IQGAP1: variants seen among roughly 807,000 people sequenced by gnomAD.
IQGAP1 encodes IQ motif containing GTPase activating protein 1, also known as ras GTPase-activating-like protein IQGAP1.
A neutral mutation model predicts 215.6 loss-of-function variants in IQGAP1; 66 were observed. That is an observed-to-expected ratio of 0.31 (90% CI 0.25 to 0.38). The LOEUF is 0.38. Among genes scored for constraint, IQGAP1 ranks in the 10% least tolerant of loss-of-function variants. The probability of loss-of-function intolerance (pLI) is 1.00; values close to 1 mark genes in which losing one functional copy is unlikely to be tolerated. For missense variants in IQGAP1, 1,712 were observed against 1,997.1 expected (o/e 0.86, Z 2.72); for synonymous variants, 772 against 728.7 (o/e 1.06, Z -0.96).
At chr15:90,394,076 G>T (rs1048081480) in intron 2 of IQGAP1, among the ~76,000 whole-genome samples, 1 of 147,468 alleles carries the variant, frequency 6.8e-6, no homozygotes, top group African/African-American at 2.5e-5. Flanking sequence ...CAGAGCTTGC[G>T]GTAAGCTGAG....
At chr15:90,474,176 G>A in intron 22 of IQGAP1, 43 bp downstream of exon 22, 2 of 1,527,128 alleles carry the variant, frequency 1.3e-6, no homozygotes, top group Non-Finnish European at 1.8e-6. Context: ...CAGTGGCTGG[G>A]AGCCACCAAG....
intron 36 of IQGAP1, 22 bp from the exon 37 acceptor site, chr15:90,497,210 T>A: frequency 8.1e-7 from 1 of 1,232,562 alleles, no homozygotes; most frequent in Non-Finnish European, 1.2e-6. Flanking sequence ...AACCATACCC[T>A]TACGATGTTA....
chr15:90,422,242 A>G (rs921612516), intron 2 of IQGAP1, among the ~76,000 whole-genome samples: 6 of 152,168 alleles, frequency 3.9e-5, no homozygotes, highest in African/African-American at 1.2e-4. Flanking sequence ...GCCACTAGCT[A>G]TTGGATGACC....
intron 19 of IQGAP1, 65 bp from the exon 20 acceptor site, chr15:90,473,650 T>G (rs984160313): frequency 1.3e-5 from 15 of 1,149,074 alleles, no homozygotes; most frequent in South Asian, 5.5e-5. Flanking sequence ...AAGATGAAAG[T>G]TTTTTTTTAA....
intron 30 of IQGAP1, among the ~76,000 whole-genome samples, chr15:90,484,853 A>G (rs187820472): frequency 9.5e-4 from 144 of 152,272 alleles, no homozygotes; most frequent in African/African-American, 3.3e-3. Flanking sequence ...AGTTTCTAAA[A>G]GGTCTTCCCA....
rs1445316565 is a variant in IQGAP1 at position 90,388,419 on chromosome 15, CG to C, written c.55+28del. The C allele has an allele frequency of 5.2e-6, 7 of 1,345,516 alleles. No individual in the cohort carries two copies. The Admixed American group carries it at 6.5e-5, about 12-fold the overall frequency. 83.3% of individuals were successfully genotyped at this position (1,345,516 alleles called of 1,614,324 possible). A position where few individuals can be genotyped will look rare whatever the true frequency, so the allele number is the denominator to read the frequency against. ...GCTGTGAGTGCGGGGCTCCGCGGCG[CG>C]GGGGCTTCGGGCTGGGCTAATTGCA... On this transcript the variant is annotated intron_variant, in intron 1 of 37. Transcript: ENST00000268182.
At chr15:90,493,369 C>G (rs563199771) in intron 35 of IQGAP1, among the ~76,000 whole-genome samples, 1 of 152,120 alleles carries the variant, frequency 6.6e-6, no homozygotes, top group Non-Finnish European at 1.5e-5. Flanking sequence ...TTCCTGGGGA[C>G]AAGATCACAG....
intron 4 of IQGAP1, among the ~76,000 whole-genome samples, chr15:90,431,580 C>CAGT (rs1965304056): frequency 6.6e-6 from 1 of 152,076 alleles, no homozygotes; most frequent in African/African-American, 2.4e-5. Flanking sequence ...GGTTTACTAA[C>CAGT]AGTAGTATAT....
Position 90,452,887 on chromosome 15 carries a change from C to T in IQGAP1, c.1275C>T (p.Ala425=), listed in dbSNP as rs1225978871. The T allele has an allele frequency of 2.5e-6, 4 of 1,614,080 alleles. No individual in the cohort carries two copies. Among genetic ancestry groups the T allele is most frequent in the Admixed American group, 1.7e-5 (1 of 60,014 alleles). The change falls in exon 12 of 38, where the codon GCC becomes GCT. Residue 425 remains alanine (A), a synonymous_variant. Coordinates refer to ENST00000268182, the MANE Select transcript of IQGAP1 (RefSeq NM_003870.4). ...AGCTGCCCCAGGTGTATCCATTTGC[C>T]GCCGATCTCTATCAGAAGGAGCTGG... is the stretch of plus-strand genomic sequence containing the variant. The part of the protein sequence containing the change: ...EAQLPQVYPF[A]ADLYQKELAT...
intron 17 of IQGAP1, 142 bp downstream of exon 17, chr15:90,466,578 A>C: frequency 1.2e-6 from 1 of 810,798 alleles, no homozygotes; most frequent in Non-Finnish European, 1.9e-6. Context: ...AAAGGAGATA[A>C]AATCCCTATT....
chr15:90,482,192 C>G lies in IQGAP1; in HGVS notation c.3471-5C>G. The G allele has an allele frequency of 1.2e-6, 2 of 1,614,174 alleles. No individual in the cohort carries two copies. The highest frequency in any genetic ancestry group is 1.7e-6 in the Non-Finnish European group (2 of 1,180,032). ...CCTTCTCACTAAGTTTTGTCCATCC[C>G]GCAGTTATGGGATGCGCTTCATTGC... On this transcript the variant is annotated splice_polypyrimidine_tract_variant and splice_region_variant and intron_variant, in intron 27 of 37. Transcript: ENST00000268182.
intron 34 of IQGAP1, among the ~76,000 whole-genome samples, chr15:90,491,889 A>AGC (rs964152025): frequency 2.4e-4 from 36 of 152,234 alleles, no homozygotes; most frequent in African/African-American, 8.4e-4. Context: ...AATCATCTCA[A>AGC]GCGAGGGGCT....
At chr15:90,498,158 C>T (rs941241376) in intron 37 of IQGAP1, among the ~76,000 whole-genome samples, 5 of 151,998 alleles carry the variant, frequency 3.3e-5, no homozygotes, top group African/African-American at 9.7e-5. Flanking sequence ...TTCTGTAGCC[C>T]TTGCAGACAT....
intron 36 of IQGAP1, among the ~76,000 whole-genome samples, chr15:90,495,782 C>T (rs1255533551): frequency 6.7e-6 from 1 of 150,300 alleles, no homozygotes; most frequent in Non-Finnish European, 1.5e-5. Flanking sequence ...GGACTACAGG[C>T]ATGCACCACC....
intron 3 of IQGAP1, among the ~76,000 whole-genome samples, chr15:90,429,130 G>A (rs1398096256): frequency 2.0e-5 from 3 of 152,190 alleles, no homozygotes; most frequent in Non-Finnish European, 4.4e-5. Flanking sequence ...TGGGATTACA[G>A]GAATGAGCCA....
At chr15:90,448,825 G>GT in intron 10 of IQGAP1, 89 bp downstream of exon 10, 2 of 1,169,078 alleles carry the variant, frequency 1.7e-6, no homozygotes, top group Non-Finnish European at 2.2e-6. Context: ...TGCTGCCTTT[G>GT]TTTTTCCCCC....
In IQGAP1 at chr15:90,390,800, G is replaced by T. The variant is rs984534849; in HGVS notation, c.82G>T (p.Ala28Ser). 1 of 1,612,300 alleles carries T rather than the reference G, an allele frequency of 6.2e-7. No homozygotes were observed. Among genetic ancestry groups the T allele is most frequent in the East Asian group, 2.2e-5 (1 of 44,876 alleles). The change falls in exon 2 of 38, where the codon GCA becomes TCA. Residue 28 changes from alanine (A) to serine (S), a missense_variant. Physicochemically the swap from Ala to Ser is moderately conservative, Grantham distance 99. Around this residue, in one of 2 missense-constraint regions of IQGAP1, gnomAD observed 1,021 missense variants for 1,074.2 expected, o/e 0.95. Coordinates refer to ENST00000268182, the MANE Select transcript of IQGAP1 (RefSeq NM_003870.4). Reference protein sequence around the residue: ...GSVLDNERLTAEEMDERRRQN... With the variant: ...GSVLDNERLTSEEMDERRRQN... The stretch of plus-strand genomic sequence containing the variant: ...TGTCCTGGATAATGAAAGACTTACT[G>T]CAGAGGAGATGGATGAAAGGAGACG...
chr15:90,482,728 C>T (rs1012695251), intron 28 of IQGAP1: 32 of 996,222 alleles, frequency 3.2e-5, no homozygotes, highest in Non-Finnish European at 3.7e-5. Context: ...AGTGAGGCCT[C>T]GATTCTAGAC....
At chr15:90,398,088 G>T (rs1168698071) in intron 2 of IQGAP1, among the ~76,000 whole-genome samples, 1 of 151,710 alleles carries the variant, frequency 6.6e-6, no homozygotes, top group Non-Finnish European at 1.5e-5. Context: ...GTTTCACCAT[G>T]TTGGCCAGGC....
Sources: gnomAD v4.1 joint callset for allele counts (sites outside exome capture counted in the v4.1 genomes callset) on GRCh38, gnomAD v4.1.1 for gene constraint, gnomAD v4.1.1 regional missense constraint, MANE v1.5 for transcripts, NCBI Gene and HGNC (gene_info 2026-07-23, HGNC 2026-07-21) for gene names.